Variants in ENOX2 observed in about 807,000 individuals in gnomAD.
The protein encoded by ENOX2 is APK1 antigen.
ENOX2 carries 36 observed loss-of-function variants against 45.0 expected under a neutral mutation model. That is an observed-to-expected ratio of 0.80 (90% CI 0.61 to 1.06). The LOEUF (loss-of-function observed/expected upper bound fraction) is 1.06. Ranked by LOEUF, ENOX2 falls within the 50% of genes least tolerant of loss-of-function variation. ENOX2 has a pLI of 0.00. For missense variants in ENOX2, 423 were observed against 462.5 expected (o/e 0.91, Z 0.78); for synonymous variants, 174 against 152.3 (o/e 1.14, Z -1.05).
At chrX:130,868,072 T>C (rs975537948) in intron 2 of ENOX2, among the ~76,000 whole-genome samples, 1 of 111,919 alleles carries the variant, frequency 8.9e-6, no homozygotes, top group African/African-American at 3.2e-5. Flanking sequence ...AATGGCTTTT[T>C]TTCTTAACTG....
chrX:130,683,921 A>C (rs1311865463), intron 5 of ENOX2, among the ~76,000 whole-genome samples: 1 of 111,885 alleles, frequency 8.9e-6, no homozygotes, highest in Admixed American at 9.5e-5. Context: ...TGATCCATTG[A>C]CTTTTTAGAC....
At chrX:130,672,864 G>T (rs1008555828) in intron 6 of ENOX2, among the ~76,000 whole-genome samples, 8 of 111,855 alleles carry the variant, frequency 7.2e-5, no homozygotes, top group African/African-American at 2.6e-4. Flanking sequence ...GGTGCTGCCT[G>T]TGCTCATCAT....
chrX:130,757,560 T>C (rs934746366), intron 3 of ENOX2, among the ~76,000 whole-genome samples: 1 of 111,908 alleles, frequency 8.9e-6, no homozygotes, highest in Non-Finnish European at 1.9e-5. Flanking sequence ...CCAGTTCTTA[T>C]GTTTCAATTC....
At chrX:130,688,614 C>A (rs2037507891) in intron 5 of ENOX2, among the ~76,000 whole-genome samples, 1 of 112,061 alleles carries the variant, frequency 8.9e-6, no homozygotes, top group African/African-American at 3.2e-5. Context: ...TACTAACACA[C>A]TTGAATTCCT....
intron 3 of ENOX2, among the ~76,000 whole-genome samples, chrX:130,782,176 T>C (rs1164693672): frequency 2.7e-5 from 3 of 111,728 alleles, no homozygotes; most frequent in Admixed American, 9.5e-5. Context: ...ACGTTGATGA[T>C]TTAAAACATG....
At chrX:130,870,444 T>C (rs1360469967) in intron 2 of ENOX2, among the ~76,000 whole-genome samples, 1 of 111,773 alleles carries the variant, frequency 8.9e-6, no homozygotes, top group Non-Finnish European at 1.9e-5. Context: ...TTAATGAACA[T>C]TTTGTGGGAA....
At chrX:130,637,515 T>C (rs1396043175) in intron 10 of ENOX2, 105 bp from the exon 11 acceptor site, 44 of 630,749 alleles carry the variant, frequency 7.0e-5, no homozygotes, top group Non-Finnish European at 9.6e-5. Context: ...AACTTCAGGT[T>C]TGAGTTGGCC....
intron 12 of ENOX2, among the ~76,000 whole-genome samples, chrX:130,631,801 A>G (rs865997186): frequency 9.5e-6 from 1 of 105,748 alleles, no homozygotes; most frequent in African/African-American, 3.5e-5. Context: ...ATTTACCTTC[A>G]CCAGTTTTTT....
chrX:130,870,041 C>A lies in ENOX2; in HGVS notation c.-183+31643G>T, dbSNP rs201114665. 5.4e-5 allele frequency among the ~76,000 whole-genome samples: 6 copies of A among 111,195 alleles called. No homozygotes were observed. In the East Asian group the frequency reaches 1.4e-3, roughly 27 times the overall value. On this transcript the variant is annotated intron_variant, in intron 2 of 14. Transcript: ENST00000394363. ...TCTGTTCTTGCTCTCCCTTCCTATCCCCACTCACCTCAAATCACCATCACA... is the reference window on the plus strand; with the variant it reads ...TCTGTTCTTGCTCTCCCTTCCTATCACCACTCACCTCAAATCACCATCACA...
intron 2 of ENOX2, among the ~76,000 whole-genome samples, chrX:130,793,502 A>G (rs1384753816): frequency 1.8e-5 from 2 of 111,906 alleles, no homozygotes; most frequent in Non-Finnish European, 3.8e-5. Context: ...TTCCCCTAAC[A>G]ATGGAAATGT....
At chrX:130,877,245 T>C (rs993323084) in intron 2 of ENOX2, among the ~76,000 whole-genome samples, 6 of 112,117 alleles carry the variant, frequency 5.4e-5, no homozygotes, top group Non-Finnish European at 1.9e-5. Flanking sequence ...AATATTTATA[T>C]GCTGTTTCTG....
Position 130,628,031 on chromosome X carries a change from G to A in ENOX2, c.1541C>T (p.Thr514Ile), listed in dbSNP as rs763274091. Residue 514 changes from threonine to isoleucine, a missense_variant, in exon 14 of 15, where the codon ACA (threonine) becomes ATA (isoleucine). Transcript: ENST00000394363. ...TCCAAATGGGTGAACATGAAGGAAT[G>A]TGGAGATAATCCCTACAGAGACAAG... ...REALLVGIIS[T>I]FLHVHPFGAS... 5.0e-6 allele frequency: 6 copies of A among 1,191,408 alleles called. No individual in the cohort carries two copies. Among genetic ancestry groups the A allele is most frequent in the South Asian group, 3.6e-5 (2 of 56,330 alleles).
At chrX:130,831,432 G>T (rs2077825847) in intron 2 of ENOX2, among the ~76,000 whole-genome samples, 3 of 110,769 alleles carry the variant, frequency 2.7e-5, no homozygotes, top group South Asian at 7.8e-4. Context: ...AACTTGTTTG[G>T]ACCTATAAGC....
Position 130,730,497 on chromosome X carries a change from G to A in ENOX2, c.-38-27243C>T, listed in dbSNP as rs187116110. Among the ~76,000 whole-genome samples, 230 of 112,228 alleles carry A rather than the reference G, an allele frequency of 2.0e-3. 1 individual carries two copies. The highest frequency in any genetic ancestry group is 3.9e-3 in the Non-Finnish European group (207 of 53,231). On this transcript the variant is annotated intron_variant, in intron 3 of 14. Transcript: ENST00000394363. ...TAAAGAACTGGTACTGACAGGAGGA[G>A]AAGCCTAGTGTTTAAGATGGGCCTG...
chrX:130,777,236 T>A (rs1368180094), intron 3 of ENOX2, among the ~76,000 whole-genome samples: 1 of 111,182 alleles, frequency 9.0e-6, no homozygotes, highest in Non-Finnish European at 1.9e-5. Flanking sequence ...TGATGGCTCA[T>A]GCCTGTAATC....
chrX:130,669,927 G>C (rs371856413), intron 7 of ENOX2, 38 bp downstream of exon 7: 15 of 975,541 alleles, frequency 1.5e-5, no homozygotes, highest in Non-Finnish European at 1.5e-5. Context: ...CTAAAGAAAA[G>C]AGTTCTTTTA....
At chrX:130,663,219 T>A (rs1219982111) in intron 9 of ENOX2, among the ~76,000 whole-genome samples, 1 of 112,422 alleles carries the variant, frequency 8.9e-6, no homozygotes, top group Non-Finnish European at 1.9e-5. Context: ...TAATATTTTA[T>A]GGCCACATAG....
intron 11 of ENOX2, among the ~76,000 whole-genome samples, chrX:130,635,762 G>T (rs1383761333): frequency 9.0e-6 from 1 of 111,585 alleles, no homozygotes; most frequent in Admixed American, 9.5e-5. Flanking sequence ...ACCAGGTTGG[G>T]TCAACCCCAG....
At chrX:130,663,778 T>A (rs1248333788) in intron 9 of ENOX2, among the ~76,000 whole-genome samples, 3 of 111,387 alleles carry the variant, frequency 2.7e-5, no homozygotes, top group African/African-American at 9.8e-5. Flanking sequence ...CTCTCGACTT[T>A]TATTCTTCTG....
Sources: gnomAD v4.1 joint callset for allele counts (sites outside exome capture counted in the v4.1 genomes callset) on GRCh38, gnomAD v4.1.1 for gene constraint, MANE v1.5 for transcripts, NCBI Gene and HGNC (gene_info 2026-07-23, HGNC 2026-07-21) for gene names.